Variants in CACNA1B observed in about 807,000 individuals in gnomAD.
The protein encoded by CACNA1B is voltage-dependent N-type calcium channel subunit alpha-1B.
Under a neutral mutation model 247.2 loss-of-function variants are expected in CACNA1B, and 70 were observed. The ratio of observed to expected loss-of-function variants is 0.28; its 90% CI spans 0.23 to 0.35. The LOEUF (loss-of-function observed/expected upper bound fraction) is 0.35, where lower values mean the gene tolerates loss of function less well. Ranked by LOEUF, CACNA1B falls within the 10% of genes least tolerant of loss-of-function variation. The probability of loss-of-function intolerance (pLI) is 1.00; values close to 1 mark genes in which losing one functional copy is unlikely to be tolerated. For missense variants in CACNA1B, 2,367 were observed against 3,197.4 expected (o/e 0.74, Z 6.26); for synonymous variants, 1,231 against 1,294.4 (o/e 0.95, Z 1.05).
chr9:137,973,305 C>T lies in CACNA1B; in HGVS notation c.1543+1713C>T, dbSNP rs967849534. Among the ~76,000 whole-genome samples the T allele has an allele frequency of 1.3e-5, 2 of 152,114 alleles. No homozygotes were observed. The highest frequency in any genetic ancestry group is 2.1e-4 in the South Asian group (1 of 4,812). ...AAATGTGGGCAGTGTCCCTGACAGC[C>T]GGGCTGGGCCTGAGGGAGGCTTGCT... On this transcript the variant is annotated intron_variant, in intron 11 of 46. Coordinates refer to ENST00000371372, the MANE Select transcript of CACNA1B (RefSeq NM_000718.4). This position sits in a 1 kb window ranked among gnomAD's most constrained non-coding sequence, Gnocchi z 4.1.
chr9:137,909,805 C>G (rs1329719091), intron 3 of CACNA1B, among the ~76,000 whole-genome samples: 2 of 151,854 alleles, frequency 1.3e-5, no homozygotes, highest in East Asian at 3.9e-4. Context: ...GAGTCTCACT[C>G]TATCACCCAG....
Position 138,073,508 on chromosome 9 carries a change from C to T in CACNA1B, c.4695C>T (p.Ser1565=), listed in dbSNP as rs756671827. The change falls in exon 33 of 47, where the codon AGC becomes AGT. Residue 1565 remains serine, a synonymous_variant. Transcript: ENST00000371372. The surrounding 1 kb of genome is among the most constrained non-coding windows in gnomAD (Gnocchi z 6.4). ...IAETNNFINL[S]FLRLFRAARL... ...TGCAGAACAATTTCATCAACCTCAG[C>T]TTCCTCCGCCTCTTTCGAGCTGCGC... 2.5e-6 allele frequency: 4 copies of T among 1,612,000 alleles called. No individual in the cohort carries two copies. The highest frequency in any genetic ancestry group is 3.4e-6 in the Non-Finnish European group (4 of 1,178,138).
At chr9:138,115,373 T>C (rs1423638865) in intron 41 of CACNA1B, among the ~76,000 whole-genome samples, 179 bp from the exon 42 acceptor site, 1 of 152,200 alleles carries the variant, frequency 6.6e-6, no homozygotes, top group Non-Finnish European at 1.5e-5. Flanking sequence ...TTTGGTCACA[T>C]GCTCATATTT....
At chr9:138,002,904 G>T (rs187415164) in intron 15 of CACNA1B, among the ~76,000 whole-genome samples, 8 of 151,324 alleles carry the variant, frequency 5.3e-5, no homozygotes, top group Non-Finnish European at 1.2e-4. Flanking sequence ...GGGTTCAAGC[G>T]ATTTTTCTGC....
intron 18 of CACNA1B, among the ~76,000 whole-genome samples, chr9:138,015,215 G>A (rs1958776298): frequency 1.3e-5 from 2 of 152,140 alleles, no homozygotes; most frequent in Admixed American, 1.3e-4. Context: ...AGCCCCCATG[G>A]TCCCTGCCTG....
intron 20 of CACNA1B, among the ~76,000 whole-genome samples, chr9:138,038,441 T>C (rs1205927021): frequency 1.3e-5 from 2 of 152,206 alleles, no homozygotes; most frequent in Admixed American, 1.3e-4. Flanking sequence ...ACCCCTGTAC[T>C]CTGGTGGCCT....
intron 20 of CACNA1B, among the ~76,000 whole-genome samples, chr9:138,028,924 G>A (rs1958954398): frequency 6.6e-6 from 1 of 152,184 alleles, no homozygotes; most frequent in South Asian, 2.1e-4. Context: ...GCATATGGCT[G>A]CTTCTCTCTG....
At position 137,917,916 on chromosome 9, in the gene CACNA1B, C is replaced by T. The variant is rs1201370935; in HGVS notation, c.966+485C>T. On this transcript the variant is annotated intron_variant, in intron 6 of 46. Transcript: ENST00000371372. This position sits in a 1 kb window ranked among gnomAD's most constrained non-coding sequence, Gnocchi z 5.5. ...CATGGGCAGCTGTTGCTGTGCCACC[C>T]CTCTAGGGTCTCTGTTGGAGTTGAG... 6.6e-6 allele frequency among the ~76,000 whole-genome samples: 1 copy of T among 152,216 alleles called. No individual in the cohort carries two copies. Among genetic ancestry groups the T allele is most frequent in the Non-Finnish European group, 1.5e-5 (1 of 68,042 alleles).
chr9:138,049,371 G>A (rs988333473), intron 24 of CACNA1B, 56 bp downstream of exon 24: 35 of 1,094,612 alleles, frequency 3.2e-5, no homozygotes, highest in Non-Finnish European at 4.0e-5. Flanking sequence ...CACGATGGGC[G>A]TGAGGGTGAG....
chr9:137,893,231 CTT>C (rs5901127), intron 3 of CACNA1B, among the ~76,000 whole-genome samples: 108 of 136,728 alleles, frequency 7.9e-4, no homozygotes, highest in Middle Eastern at 3.8e-3. Flanking sequence ...AAAGCTGGCC[CTT>C]TTTTTTTTTT....
chr9:137,933,343 G>A (rs934432294), intron 6 of CACNA1B, among the ~76,000 whole-genome samples: 7 of 152,134 alleles, frequency 4.6e-5, no homozygotes, highest in East Asian at 1.9e-4. Context: ...GAGTCACCGC[G>A]TCCGGCACAT....
chr9:138,024,061 T>C (rs1008039231), intron 19 of CACNA1B, among the ~76,000 whole-genome samples: 2 of 152,208 alleles, frequency 1.3e-5, no homozygotes, highest in Admixed American at 1.3e-4. Flanking sequence ...GCAGAGTGTT[T>C]GTGCTCCGTG....
At chr9:137,967,236 T>C (rs960618646) in intron 10 of CACNA1B, among the ~76,000 whole-genome samples, 12 of 152,204 alleles carry the variant, frequency 7.9e-5, no homozygotes, top group African/African-American at 2.9e-4. Flanking sequence ...GCATCTTTAG[T>C]ACCAAGATGT....
At chr9:137,904,794 AT>A (rs1444582678) in intron 3 of CACNA1B, among the ~76,000 whole-genome samples, 1 of 152,108 alleles carries the variant, frequency 6.6e-6, no homozygotes, top group Non-Finnish European at 1.5e-5. Context: ...ACTGTCTGCC[AT>A]CGGTGATCAT....
chr9:137,979,008 C>T (rs1217763830), intron 12 of CACNA1B, among the ~76,000 whole-genome samples: 1 of 152,184 alleles, frequency 6.6e-6, no homozygotes, highest in African/African-American at 2.4e-5. Flanking sequence ...CTGAGTGCAT[C>T]GGCCAAGGGA....
intron 39 of CACNA1B, among the ~76,000 whole-genome samples, chr9:138,108,013 T>C (rs1231943463): frequency 6.7e-6 from 1 of 149,338 alleles, no homozygotes; most frequent in Non-Finnish European, 1.5e-5. Flanking sequence ...AACCTTCAGT[T>C]TCAACACCAG....
At chr9:137,965,004 C>T (rs1309844508) in intron 10 of CACNA1B, among the ~76,000 whole-genome samples, 2 of 152,204 alleles carry the variant, frequency 1.3e-5, no homozygotes, top group African/African-American at 2.4e-5. Flanking sequence ...TTGGTTTTCC[C>T]TGTACTTGGT....
intron 42 of CACNA1B, 53 bp downstream of exon 42, chr9:138,115,732 A>G: frequency 1.3e-6 from 2 of 1,544,544 alleles, no homozygotes; most frequent in Non-Finnish European, 1.8e-6. Context: ...CAAAGACAGT[A>G]AAGGGGGAAG....
intron 20 of CACNA1B, chr9:138,040,623 T>A (rs1378787288): frequency 9.3e-6 from 4 of 429,536 alleles, no homozygotes; most frequent in South Asian, 6.7e-5. Flanking sequence ...TGGAGTCCGA[T>A]GTTCGAGGGC....
Sources: gnomAD v4.1 joint callset for allele counts (sites outside exome capture counted in the v4.1 genomes callset) on GRCh38, gnomAD v4.1.1 for gene constraint, Gnocchi (gnomAD v3.1) non-coding constraint, MANE v1.5 for transcripts, NCBI Gene and HGNC (gene_info 2026-07-23, HGNC 2026-07-21) for gene names.